ACYP2: variants seen among roughly 807,000 people sequenced by gnomAD.
ACYP2 encodes the protein acylphosphatase 2, also known as acylphosphatase-2.
Under a neutral mutation model 11.2 loss-of-function variants are expected in ACYP2, and 12 were observed. That is an observed-to-expected ratio of 1.08 (90% CI 0.69 to 1.74). The LOEUF (loss-of-function observed/expected upper bound fraction) is 1.74, where lower values mean the gene tolerates loss of function less well. Ranked by LOEUF, ACYP2 falls within the 40% of genes most tolerant of loss-of-function variation. The probability of loss-of-function intolerance (pLI) is 0.00; values close to 1 mark genes in which losing one functional copy is unlikely to be tolerated. For synonymous variants in ACYP2, 43 were observed against 32.2 expected (o/e 1.33, Z -1.13); for missense variants, 134 against 101.9 (o/e 1.31, Z -1.35).
At position 54,227,710 on chromosome 2, in the gene ACYP2, A is replaced by G. The variant is rs143218909; in HGVS notation, c.405-76978A>G. Among the ~76,000 whole-genome samples, 258 of 152,326 alleles carry G rather than the reference A, an allele frequency of 1.7e-3. 1 individual carries two copies. The highest frequency in any genetic ancestry group is 6.0e-3 in the African/African-American group (248 of 41,578). On this transcript the variant is annotated intron_variant, in intron 6 of 6. Transcript: ENST00000607452. ...AATACTCTTTGTGATAAAGCCTTAA[A>G]TTATCAGAGTGGTAATACTTTAAGG...
intron 2 of ACYP2, among the ~76,000 whole-genome samples, chr2:54,016,558 A>G (rs528546695): frequency 5.5e-4 from 83 of 152,202 alleles, no homozygotes; most frequent in African/African-American, 1.8e-3. Context: ...GAAGAGTTTT[A>G]TATAAGTGAG....
intron 2 of ACYP2, among the ~76,000 whole-genome samples, chr2:54,044,402 C>T (rs1277219706): frequency 6.6e-6 from 1 of 151,348 alleles, no homozygotes; most frequent in Non-Finnish European, 1.5e-5. Context: ...CAAGACTAGC[C>T]TGGGCAATAT....
chr2:54,017,272 C>CTTTTCTTTTTTT (rs764249106), intron 2 of ACYP2, among the ~76,000 whole-genome samples: 1 of 123,138 alleles, frequency 8.1e-6, no homozygotes, highest in Non-Finnish European at 1.6e-5. Flanking sequence ...CTTTTCTTTT[C>CTTTTCTTTTTTT]TTTTTTTTTT....
intron 6 of ACYP2, among the ~76,000 whole-genome samples, chr2:54,258,771 C>A (rs114628991): frequency 6.6e-6 from 1 of 152,090 alleles, no homozygotes; most frequent in East Asian, 1.9e-4. Flanking sequence ...GCTATGGGAT[C>A]TCTTAGTTCA....
intron 4 of ACYP2, among the ~76,000 whole-genome samples, chr2:54,066,419 G>A (rs1398616129): frequency 6.6e-6 from 1 of 152,174 alleles, no homozygotes; most frequent in African/African-American, 2.4e-5. Flanking sequence ...CCAGTCTTAA[G>A]TAGTTCTTTA....
intron 2 of ACYP2, chr2:54,029,465 A>G: frequency 6.2e-6 from 2 of 320,910 alleles, no homozygotes; most frequent in South Asian, 6.1e-5. Flanking sequence ...ACACACACAT[A>G]TATGTGTATA....
At chr2:54,076,724 G>C (rs77702503) in intron 4 of ACYP2, among the ~76,000 whole-genome samples, 1,899 of 152,278 alleles carry the variant, frequency 0.012, 47 homozygotes, top group African/African-American at 0.044. Flanking sequence ...GAGGGAGAGA[G>C]AGAGAGGGTA....
chr2:54,218,498 A>T (rs1685652472), intron 6 of ACYP2, among the ~76,000 whole-genome samples: 1 of 152,200 alleles, frequency 6.6e-6, no homozygotes. Context: ...ATGATACTAA[A>T]CATTGAAGAG....
In ACYP2 at chr2:53,973,703, C is replaced by A; in HGVS notation, c.-36-10C>A. ...GTAATCCCAACACCCTTTGCTGACTCCTTTTTCAGACTCAGCCTGCCTGCA... is the reference window on the plus strand; with the variant it reads ...GTAATCCCAACACCCTTTGCTGACTACTTTTTCAGACTCAGCCTGCCTGCA... On this transcript the variant is annotated splice_polypyrimidine_tract_variant and intron_variant, in intron 1 of 6. Coordinates refer to ENST00000607452, the MANE Select transcript of ACYP2 (RefSeq NM_001320586.2). 1 of 284,316 alleles carries A rather than the reference C, an allele frequency of 3.5e-6. No homozygotes were observed. The highest frequency in any genetic ancestry group is 6.5e-6 in the Non-Finnish European group (1 of 154,160). The allele number at this position is 284,316 out of a possible 1,614,324, so 17.6% of individuals were successfully genotyped here.
chr2:54,266,224 AC>A (rs1688010411), intron 6 of ACYP2, among the ~76,000 whole-genome samples: 1 of 152,224 alleles, frequency 6.6e-6, no homozygotes, highest in African/African-American at 2.4e-5. Flanking sequence ...GAATATTGAT[AC>A]AAAAATACTG....
At chr2:54,016,764 C>T (rs993910080) in intron 2 of ACYP2, among the ~76,000 whole-genome samples, 2 of 142,920 alleles carry the variant, frequency 1.4e-5, no homozygotes, top group African/African-American at 2.6e-5. Context: ...CTTGCTGTGT[C>T]GCTCAGGCTG....
At chr2:54,052,181 T>G (rs1301807966) in intron 3 of ACYP2, among the ~76,000 whole-genome samples, 4 of 152,146 alleles carry the variant, frequency 2.6e-5, no homozygotes, top group African/African-American at 9.7e-5. Context: ...GCAGTTTTTT[T>G]TCTTATCTAT....
chr2:54,192,934 T>C (rs1045122215), intron 6 of ACYP2, among the ~76,000 whole-genome samples: 9 of 152,150 alleles, frequency 5.9e-5, no homozygotes, highest in African/African-American at 2.2e-4. Flanking sequence ...CATGATTCAG[T>C]TACCTCCACC....
chr2:54,155,921 A>T (rs1015853014), intron 6 of ACYP2, among the ~76,000 whole-genome samples: 10 of 152,254 alleles, frequency 6.6e-5, no homozygotes, highest in Non-Finnish European at 1.5e-4. Flanking sequence ...TTATCAGAGA[A>T]GATACTTGAA....
At chr2:54,200,327 T>A (rs1180754399) in intron 6 of ACYP2, among the ~76,000 whole-genome samples, 2 of 152,168 alleles carry the variant, frequency 1.3e-5, no homozygotes, top group Non-Finnish European at 2.9e-5. Context: ...GCCCTCATCA[T>A]ATACAAGGCT....
chr2:54,124,631 A>T (rs1680364165), intron 4 of ACYP2, among the ~76,000 whole-genome samples: 2 of 152,240 alleles, frequency 1.3e-5, no homozygotes, highest in Admixed American at 6.5e-5. Flanking sequence ...TTGTGCCTCA[A>T]ACTTACTGTT....
At chr2:54,004,354 C>T (rs1672947150) in intron 2 of ACYP2, among the ~76,000 whole-genome samples, 1 of 151,302 alleles carries the variant, frequency 6.6e-6, no homozygotes, top group African/African-American at 2.4e-5. Flanking sequence ...ATATCCTTAC[C>T]TGCCATCTGT....
chr2:54,252,442 G>A (rs915843237), intron 6 of ACYP2, among the ~76,000 whole-genome samples: 12 of 152,060 alleles, frequency 7.9e-5, no homozygotes, highest in Non-Finnish European at 1.0e-4. Context: ...CAGAGGGTTC[G>A]CACTGGTGCT....
intron 4 of ACYP2, chr2:54,123,206 A>C (rs189903030): frequency 2.5e-6 from 1 of 396,280 alleles, no homozygotes. Context: ...CTCCTCACAG[A>C]AGGAATTTCC....
Sources: allele counts gnomAD v4.1 joint callset (sites outside exome capture counted in the v4.1 genomes callset), GRCh38; gene constraint gnomAD v4.1.1; transcripts MANE v1.5; gene names NCBI Gene and HGNC (gene_info 2026-07-23, HGNC 2026-07-21).